Variants in DHRSX observed in about 807,000 individuals in gnomAD.
DHRSX encodes dehydrogenase/reductase X-linked, also known as polyprenol dehydrogenase.
In DHRSX, 31 loss-of-function variants were observed where a neutral mutation model predicts 34.0. The ratio of observed to expected loss-of-function variants is 0.91; its 90% CI spans 0.69 to 1.23. DHRSX has a LOEUF of 1.23. Among genes scored for constraint, DHRSX ranks in the 50% most tolerant of loss-of-function variants. The pLI, the probability that DHRSX is intolerant of heterozygous loss-of-function variation, is 0.00. For missense variants in DHRSX, 414 were observed against 428.1 expected, an observed-to-expected ratio of 0.97 and a Z score of 0.29; for synonymous variants, 201 against 183.8, an observed-to-expected ratio of 1.09 and a Z score of -0.76.
intron 2 of DHRSX, among the ~76,000 whole-genome samples, chrX:2,409,064 A>T (rs2124637390): frequency 6.6e-6 from 1 of 152,318 alleles, no homozygotes; most frequent in South Asian, 2.1e-4. Context: ...ACTTTTCAAT[A>T]GTGACAGGGA....
At chrX:2,294,072 A>G (rs756704332) in intron 3 of DHRSX, among the ~76,000 whole-genome samples, 1,624 of 118,968 alleles carry the variant, frequency 0.014, 34 homozygotes, top group African/African-American at 0.049. Context: ...GAGAGAGAGA[A>G]AGAGAGAAAG....
intron 3 of DHRSX, among the ~76,000 whole-genome samples, chrX:2,393,378 A>G (rs1370160988): frequency 1.3e-5 from 2 of 151,940 alleles, no homozygotes; most frequent in African/African-American, 4.8e-5. Context: ...TCTCCTGTGC[A>G]CACACAAGAC....
Position 2,313,008 on chromosome X carries a change from T to A in DHRSX, c.287-21405A>T, listed in dbSNP as rs764594085. 2.3e-3 allele frequency among the ~76,000 whole-genome samples: 288 copies of A among 126,202 alleles called. 3 individuals carry two copies. The highest frequency in any genetic ancestry group is 0.011 in the South Asian group (44 of 4,186). The allele number at this position is 126,202 out of a possible 152,430, so 82.8% of individuals were successfully genotyped here. ...TCGGGCCCAGCTTCAAGATATATAT[T>A]TTTTTTTTTTTGAGATGGAGTTTCG... is the stretch of plus-strand genomic sequence containing the variant. On this transcript the variant is annotated intron_variant, in intron 3 of 6. Coordinates refer to ENST00000334651, the MANE Select transcript of DHRSX (RefSeq NM_145177.3).
At position 2,407,471 on chromosome X, in the gene DHRSX, T is replaced by C. The variant is rs116178512; in HGVS notation, c.286+1274A>G. Among the ~76,000 whole-genome samples, 414 of 152,232 alleles carry C rather than the reference T, an allele frequency of 2.7e-3. 3 individuals are homozygous for C. The highest frequency in any genetic ancestry group is 9.5e-3 in the African/African-American group (396 of 41,552). ...CAACCCGGAGAGAGGGAGAGAGTAG[T>C]TCTGTGCGTGGATGATTAAAGGCCA... On this transcript the variant is annotated intron_variant, in intron 3 of 6. Transcript: ENST00000334651.
intron 5 of DHRSX, among the ~76,000 whole-genome samples, chrX:2,254,260 T>C (rs968308444): frequency 1.3e-5 from 2 of 152,216 alleles, no homozygotes; most frequent in Non-Finnish European, 1.5e-5. Context: ...TGAGTTTTTA[T>C]GTTAACTTCC....
intron 3 of DHRSX, among the ~76,000 whole-genome samples, chrX:2,358,971 T>C (rs1189216986): frequency 6.9e-6 from 1 of 144,618 alleles, no homozygotes; most frequent in Non-Finnish European, 1.5e-5. Context: ...AAAAAAGACA[T>C]ACATCCAGCC....
At chrX:2,493,454 T>TTTA (rs941474243) in intron 1 of DHRSX, among the ~76,000 whole-genome samples, 2 of 151,448 alleles carry the variant, frequency 1.3e-5, no homozygotes, top group Non-Finnish European at 2.9e-5. Flanking sequence ...TTAAATTCTA[T>TTTA]TTATTATTAT....
intron 3 of DHRSX, among the ~76,000 whole-genome samples, chrX:2,340,911 AGAG>A (rs972680285): frequency 6.6e-6 from 1 of 152,106 alleles, no homozygotes; most frequent in African/African-American, 2.4e-5. Flanking sequence ...GAGAGAAGAA[AGAG>A]GAGACGCAAG....
intron 4 of DHRSX, among the ~76,000 whole-genome samples, chrX:2,286,021 T>C (rs1162599389): frequency 1.3e-5 from 2 of 152,150 alleles, no homozygotes; most frequent in African/African-American, 4.8e-5. Flanking sequence ...CTTTACTTCT[T>C]CTCTAAATCA....
intron 4 of DHRSX, among the ~76,000 whole-genome samples, chrX:2,269,536 T>A (rs1291955292): frequency 1.3e-5 from 2 of 152,140 alleles, no homozygotes; most frequent in Non-Finnish European, 2.9e-5. Context: ...TTTATATGTA[T>A]GTATTTATTT....
At chrX:2,291,631 C>G (rs66538318) in intron 3 of DHRSX, 28 bp from the exon 4 acceptor site, 668,524 of 1,526,108 alleles carry the variant, frequency 0.44, 152,385 homozygotes, top group Middle Eastern at 0.48. Flanking sequence ...CAAAAAATAC[C>G]TGGTTATCTC....
chrX:2,243,788 G>GTTTTTTTTTTTTTTTTTTT lies in DHRSX; in HGVS notation c.597-577_597-559dup, dbSNP rs778957532. Among the ~76,000 whole-genome samples, 22 of 25,150 alleles carry GTTTTTTTTTTTTTTTTTTT rather than the reference G, an allele frequency of 8.7e-4. 1 individual carries two copies. Among genetic ancestry groups the GTTTTTTTTTTTTTTTTTTT allele is most frequent in the Non-Finnish European group, 1.6e-3 (15 of 9,388 alleles). The allele number at this position is 25,150 out of a possible 152,430, so 16.5% of individuals were successfully genotyped here. A position where few individuals can be genotyped will look rare whatever the true frequency, so the allele number is the denominator to read the frequency against. ...ACAGGCAGGAGCCACTATGCTCCCT[G>GTTTTTTTTTTTTTTTTTTT]TTTTTTTTTTTTTTTTTTTTTTTTT... On this transcript the variant is annotated intron_variant, in intron 5 of 6. Coordinates refer to ENST00000334651, the MANE Select transcript of DHRSX (RefSeq NM_145177.3).
chrX:2,484,693 G>C (rs1318017), intron 1 of DHRSX, among the ~76,000 whole-genome samples: 6,389 of 152,200 alleles, frequency 0.042, 356 homozygotes, highest in African/African-American at 0.13. Flanking sequence ...CCCACGATTT[G>C]ACGGAGCAGA....
intron 1 of DHRSX, among the ~76,000 whole-genome samples, chrX:2,432,564 T>C (rs1172838685): frequency 2.6e-5 from 4 of 152,040 alleles, no homozygotes; most frequent in Non-Finnish European, 5.9e-5. Context: ...CAACTGCATG[T>C]GGAAATTGAG....
chrX:2,416,029 A>C (rs1022945015), intron 2 of DHRSX, among the ~76,000 whole-genome samples: 2 of 151,640 alleles, frequency 1.3e-5, no homozygotes, highest in Non-Finnish European at 2.9e-5. Flanking sequence ...GACCTAATAC[A>C]ATTAGTTCTC....
chrX:2,221,656 C>A (rs1402948322), intron 6 of DHRSX, among the ~76,000 whole-genome samples: 1 of 152,146 alleles, frequency 6.6e-6, no homozygotes, highest in Non-Finnish European at 1.5e-5. Context: ...TTCTTGTTTT[C>A]AATTCAGCAA....
intron 4 of DHRSX, among the ~76,000 whole-genome samples, chrX:2,269,047 G>GT (rs1333211402): frequency 6.6e-6 from 1 of 152,116 alleles, no homozygotes; most frequent in Non-Finnish European, 1.5e-5. Flanking sequence ...ATCTATTTCT[G>GT]TATTTGTATA....
chrX:2,222,060 G>A (rs2015533299), intron 6 of DHRSX, among the ~76,000 whole-genome samples: 3 of 152,212 alleles, frequency 2.0e-5, no homozygotes, highest in Admixed American at 2.0e-4. Flanking sequence ...TGGGGACACA[G>A]TAATGAGGCA....
rs934167358 is a variant in DHRSX at position 2,385,110 on chromosome X, ATG to A, written c.286+23633_286+23634del. On this transcript the variant is annotated intron_variant, in intron 3 of 6. Transcript: ENST00000334651. ...GAGTGAGACTCCATCTCAAATATATATGTGTGTGTGTGTGTGTGTGTGTGTGT... is the reference window on the plus strand; with the variant it reads ...GAGTGAGACTCCATCTCAAATATATATGTGTGTGTGTGTGTGTGTGTGTGT... 8.7e-3 allele frequency among the ~76,000 whole-genome samples: 1,268 copies of A among 146,564 alleles called. 17 individuals are homozygous for A. Among genetic ancestry groups the A allele is most frequent in the African/African-American group, 0.027 (1,072 of 39,184 alleles).
Sources: gnomAD v4.1 joint callset for allele counts (sites outside exome capture counted in the v4.1 genomes callset) on GRCh38, gnomAD v4.1.1 for gene constraint, MANE v1.5 for transcripts, NCBI Gene and HGNC (gene_info 2026-07-23, HGNC 2026-07-21) for gene names.